GFRA2: variants seen among roughly 807,000 people sequenced by gnomAD.
GFRA2 encodes the protein GDNF family receptor alpha-2.
In GFRA2, 17 loss-of-function variants were observed where a neutral mutation model predicts 48.3. That is an observed-to-expected ratio of 0.35 (90% CI 0.24 to 0.53). GFRA2 has a LOEUF of 0.53. Ranked by LOEUF, GFRA2 falls within the 20% of genes least tolerant of loss-of-function variation. The pLI is 0.93. For missense variants in GFRA2, 660 were observed against 637.3 expected (o/e 1.04, Z -0.38); for synonymous variants, 305 against 257.2 (o/e 1.19, Z -1.78).
intron 4 of GFRA2, among the ~76,000 whole-genome samples, chr8:21,720,645 G>A (rs535673657): frequency 6.6e-6 from 1 of 152,158 alleles, no homozygotes; most frequent in Non-Finnish European, 1.5e-5. Context: ...TTCCCCAGCC[G>A]TGACGTTTCA....
intron 4 of GFRA2, among the ~76,000 whole-genome samples, chr8:21,728,181 C>G (rs1482436259): frequency 6.7e-6 from 1 of 148,218 alleles, no homozygotes; most frequent in Non-Finnish European, 1.5e-5. Flanking sequence ...TCACCATGAA[C>G]AAAATTCCCC....
intron 2 of GFRA2, among the ~76,000 whole-genome samples, chr8:21,778,399 A>G (rs910694453): frequency 6.6e-6 from 1 of 152,154 alleles, no homozygotes; most frequent in African/African-American, 2.4e-5. Context: ...ATTCCCCTAC[A>G]GAGAAAAGAT....
chr8:21,801,501 G>A (rs1478793556), intron 2 of GFRA2, among the ~76,000 whole-genome samples: 4 of 152,152 alleles, frequency 2.6e-5, no homozygotes, highest in Non-Finnish European at 5.9e-5. Context: ...GCAGGCAGAA[G>A]AGGGGCAGGA....
intron 4 of GFRA2, among the ~76,000 whole-genome samples, chr8:21,736,482 T>C (rs76535976): frequency 0.018 from 2,666 of 152,274 alleles, 71 homozygotes; most frequent in African/African-American, 0.06. Flanking sequence ...GGTATACCTT[T>C]CTGTCTTGTC....
intron 2 of GFRA2, among the ~76,000 whole-genome samples, chr8:21,800,662 C>T (rs1048227833): frequency 5.9e-5 from 9 of 152,206 alleles, no homozygotes; most frequent in Non-Finnish European, 1.0e-4. Context: ...TGGTGGCTCA[C>T]GCCTGTAATC....
chr8:21,805,695 T>C (rs1441453244), intron 1 of GFRA2, among the ~76,000 whole-genome samples: 1 of 152,170 alleles, frequency 6.6e-6, no homozygotes. Flanking sequence ...TGTGGTCCTG[T>C]CCAGTGCCTT....
chr8:21,696,534 A>G (rs1585219713), intron 7 of GFRA2, among the ~76,000 whole-genome samples: 1 of 152,230 alleles, frequency 6.6e-6, no homozygotes, highest in East Asian at 1.9e-4. Flanking sequence ...GGAGCCCCGG[A>G]CCTAGACACT....
intron 4 of GFRA2, among the ~76,000 whole-genome samples, chr8:21,745,303 C>A (rs1435840867): frequency 6.6e-6 from 1 of 152,166 alleles, no homozygotes; most frequent in East Asian, 1.9e-4. Flanking sequence ...AGGCCAACTC[C>A]CTCAGCAGGA....
At chr8:21,798,581 C>T (rs1807717578) in intron 2 of GFRA2, among the ~76,000 whole-genome samples, 1 of 152,194 alleles carries the variant, frequency 6.6e-6, no homozygotes, top group African/African-American at 2.4e-5. Context: ...CTCTACCCTG[C>T]CCTTGTCACA....
chr8:21,786,546 A>AG (rs1250501714), intron 1 of GFRA2, among the ~76,000 whole-genome samples: 22 of 152,332 alleles, frequency 1.4e-4, no homozygotes, highest in Admixed American at 6.5e-4. Flanking sequence ...TCCACTTGCC[A>AG]GGGTTGACAG....
In GFRA2 at chr8:21,807,858, G is replaced by A. The variant is rs556190391; in HGVS notation, c.-147-2730C>T. Among the ~76,000 whole-genome samples the A allele has an allele frequency of 3.3e-5, 5 of 152,280 alleles. No homozygotes were observed. The South Asian group carries it at 6.2e-4, about 19-fold the overall frequency. On this transcript the variant is annotated intron_variant, in intron 1 of 10. Coordinates refer to the GFRA2 transcript ENST00000517328. ...CCGTCTGTAACATGGACATCATAAC[G>A]CCTCTTTCTCCATCATGCCAATGCT...
chr8:21,758,272 T>C (rs1805685929), intron 3 of GFRA2, among the ~76,000 whole-genome samples: 2 of 151,960 alleles, frequency 1.3e-5, no homozygotes, highest in Non-Finnish European at 1.5e-5. Flanking sequence ...TCACAGACGG[T>C]GGTCTGTGGC....
intron 4 of GFRA2, among the ~76,000 whole-genome samples, chr8:21,741,029 G>C (rs543859511): frequency 1.3e-5 from 2 of 152,264 alleles, no homozygotes; most frequent in Non-Finnish European, 2.9e-5. Context: ...CTCCTCCCTG[G>C]CCTCTCTGCA....
intron 4 of GFRA2, among the ~76,000 whole-genome samples, chr8:21,712,149 C>T (rs1350527595): frequency 6.6e-6 from 1 of 152,070 alleles, no homozygotes; most frequent in African/African-American, 2.4e-5. Flanking sequence ...TTTTCTATTC[C>T]ACAAAACCGC....
chr8:21,717,235 C>G (rs976621163), intron 4 of GFRA2, among the ~76,000 whole-genome samples: 1 of 152,202 alleles, frequency 6.6e-6, no homozygotes, highest in Admixed American at 6.5e-5. Flanking sequence ...GAAGACAGAA[C>G]TGGCCTTGGA....
At chr8:21,796,383 G>A (rs1021702747) in intron 2 of GFRA2, among the ~76,000 whole-genome samples, 1 of 152,184 alleles carries the variant, frequency 6.6e-6, no homozygotes, top group Non-Finnish European at 1.5e-5. Flanking sequence ...TTGGGGAGCC[G>A]GCTCCTGCTG....
upstream of GFRA2, among the ~76,000 whole-genome samples, chr8:21,793,062 G>A (rs955312567): frequency 6.6e-6 from 1 of 151,630 alleles, no homozygotes; most frequent in Admixed American, 6.6e-5. Flanking sequence ...GCGAGACCCT[G>A]CCTCAAAAAA....
intron 1 of GFRA2, chr8:21,784,218 T>C (rs1316190546): frequency 4.5e-6 from 2 of 445,416 alleles, no homozygotes; most frequent in Admixed American, 2.4e-5. Context: ...GCTCCTAAAA[T>C]GGTTTCCTCC....
At chr8:21,740,440 C>A (rs912262543) in intron 4 of GFRA2, among the ~76,000 whole-genome samples, 1 of 152,216 alleles carries the variant, frequency 6.6e-6, no homozygotes, top group African/African-American at 2.4e-5. Flanking sequence ...GTCACCAAGG[C>A]CCTCCACGTC....
Sources: allele counts gnomAD v4.1 joint callset (sites outside exome capture counted in the v4.1 genomes callset), GRCh38; gene constraint gnomAD v4.1.1; transcripts MANE v1.5; gene names NCBI Gene and HGNC (gene_info 2026-07-23, HGNC 2026-07-21).